FAM91A1: variants seen among roughly 807,000 people sequenced by gnomAD.
The protein encoded by FAM91A1 is family with sequence similarity 91 member A1.
Under a neutral mutation model 113.5 loss-of-function variants are expected in FAM91A1, and 41 were observed. The observed-to-expected ratio is 0.36, with a 90% CI of 0.28 to 0.47. FAM91A1 has a LOEUF of 0.47. Ranked by LOEUF, FAM91A1 falls within the 20% of genes least tolerant of loss-of-function variation. FAM91A1 has a pLI of 1.00. For synonymous variants in FAM91A1, 307 were observed against 347.9 expected, an observed-to-expected ratio of 0.88 and a Z score of 1.31; for missense variants, 696 against 1,001.2, an observed-to-expected ratio of 0.70 and a Z score of 4.11.
rs541437239 is a variant in FAM91A1, at chr8:123,805,982, A to G, written c.1883-98A>G. On this transcript the variant is annotated intron_variant, in intron 19 of 23. Transcript: ENST00000334705. ...AATCAATTATGATGTATTAAAGTATAAAAGTAGTTCTAAGAGTTGTTTAAT... is the reference window on the plus strand; with the variant it reads ...AATCAATTATGATGTATTAAAGTATGAAAGTAGTTCTAAGAGTTGTTTAAT... The G allele has an allele frequency of 5.0e-5, 60 of 1,195,072 alleles. No individual in the cohort carries two copies. In the East Asian group the frequency reaches 1.4e-3, roughly 29 times the overall value. 74.0% of individuals were successfully genotyped at this position (1,195,072 alleles called of 1,614,324 possible). A position where few individuals can be genotyped will look rare whatever the true frequency, so the allele number is the denominator to read the frequency against.
At chr8:123,805,767 T>TGG (rs574949722) in intron 19 of FAM91A1, among the ~76,000 whole-genome samples, 140 of 152,292 alleles carry the variant, frequency 9.2e-4, no homozygotes, top group Middle Eastern at 3.4e-3. Context: ...TCCTTTGCCT[T>TGG]GGGGGATTAT....
intron 15 of FAM91A1, among the ~76,000 whole-genome samples, chr8:123,795,378 C>G (rs1023224499): frequency 6.6e-6 from 1 of 151,008 alleles, no homozygotes; most frequent in African/African-American, 2.4e-5. Context: ...TAACACACCA[C>G]CCCCCGCCCC....
In FAM91A1 at chr8:123,808,967, C is replaced by A. The variant is rs141772405; in HGVS notation, c.2212C>A (p.Arg738=). ...GIPLFSSELN[R]KVCRKIAAHG... ...TCCACTGTTCAGTTCCGAATTAAACCGGAAAGTTTGTAGGAAAATTGCTGC... is the reference window on the plus strand; with the variant it reads ...TCCACTGTTCAGTTCCGAATTAAACAGGAAAGTTTGTAGGAAAATTGCTGC... Residue 738 remains arginine (R), a synonymous_variant, in exon 22 of 24, where the codon CGG becomes AGG. Transcript: ENST00000334705. 133 of 1,612,918 alleles carry A rather than the reference C, an allele frequency of 8.2e-5. No individual in the cohort carries two copies. In the African/African-American group the frequency reaches 1.5e-3, roughly 18 times the overall value.
chr8:123,784,732 A>G (rs1017022123), intron 9 of FAM91A1, 156 bp downstream of exon 9: 2 of 460,638 alleles, frequency 4.3e-6, no homozygotes, highest in African/African-American at 4.1e-5. Context: ...TAACGTTCTT[A>G]TAAATGTATA....
rs765300767 is a variant in FAM91A1, at chr8:123,778,750, A to G, written c.527A>G (p.Tyr176Cys). The G allele has an allele frequency of 1.0e-5, 16 of 1,575,684 alleles. 1 individual carries two copies. The South Asian group carries it at 1.1e-4, about 10-fold the overall frequency. Residue 176 changes from tyrosine (Y) to cysteine (C), a missense_variant, in exon 6 of 24, where the codon TAT becomes TGT. By Grantham distance (194) the Tyr-to-Cys change is radical. Coordinates refer to ENST00000334705, the MANE Select transcript of FAM91A1 (RefSeq NM_144963.4). ...IEAWWVVQAG[Y>C]ITEDDIKICT... is the part of the protein sequence containing the mutation. ...GCGTGGTGGGTGGTGCAGGCTGGCT[A>G]TATCACAGAAGATGACATCAAGGTA...
chr8:123,800,845 G>A (rs1050542158), intron 18 of FAM91A1, among the ~76,000 whole-genome samples: 3 of 151,622 alleles, frequency 2.0e-5, no homozygotes, highest in Non-Finnish European at 4.4e-5. Flanking sequence ...TGTTGTCATA[G>A]TATCAATACT....
At chr8:123,770,110 G>A (rs1446870479) in intron 1 of FAM91A1, among the ~76,000 whole-genome samples, 3 of 152,100 alleles carry the variant, frequency 2.0e-5, no homozygotes, top group Non-Finnish European at 2.9e-5. Flanking sequence ...GCGCCACCAC[G>A]CCCAGCTAAT....
intron 18 of FAM91A1, among the ~76,000 whole-genome samples, chr8:123,800,499 T>TAA (rs1815646380): frequency 6.6e-6 from 1 of 152,164 alleles, no homozygotes. Context: ...AGGGGACTAT[T>TAA]GTATTGAGTA....
At chr8:123,776,716 C>A (rs913241839) in intron 3 of FAM91A1, among the ~76,000 whole-genome samples, 2 of 152,136 alleles carry the variant, frequency 1.3e-5, no homozygotes, top group Non-Finnish European at 2.9e-5. Flanking sequence ...GGGTATAGTT[C>A]CTCGGTAGAA....
chr8:123,802,098 G>C lies in FAM91A1; in HGVS notation c.1809+2213G>C, dbSNP rs1815699454. On this transcript the variant is annotated intron_variant, in intron 18 of 23. Transcript: ENST00000334705. ...GATTGATGGTAGCAATTACAGGGGG[G>C]TAACAGGGATTAACATGGTCAAATT... is the stretch of plus-strand genomic sequence containing the variant. Among the ~76,000 whole-genome samples, 4 of 152,108 alleles carry C rather than the reference G, an allele frequency of 2.6e-5. No homozygotes were observed. In the South Asian group the frequency reaches 8.3e-4, roughly 31 times the overall value.
At chr8:123,787,556 C>T in intron 13 of FAM91A1, 108 bp from the exon 14 acceptor site, 4 of 1,075,672 alleles carry the variant, frequency 3.7e-6, no homozygotes, top group Non-Finnish European at 5.3e-6. Flanking sequence ...CCCTCACCCC[C>T]CAATCCTTAA....
At chr8:123,796,777 G>A (rs749799441) in intron 15 of FAM91A1, among the ~76,000 whole-genome samples, 46 of 150,164 alleles carry the variant, frequency 3.1e-4, no homozygotes, top group Admixed American at 2.6e-4. Flanking sequence ...TAAGATACGG[G>A]TCTTGGCTGG....
chr8:123,804,981 C>T (rs528747904), intron 18 of FAM91A1, among the ~76,000 whole-genome samples: 1 of 152,302 alleles, frequency 6.6e-6, no homozygotes, highest in East Asian at 1.9e-4. Flanking sequence ...ATAAACTTGG[C>T]CTCCTCATTC....
Position 123,813,552 on chromosome 8 carries a change from T to C in FAM91A1, c.*848T>C, listed in dbSNP as rs1816007579. ...GTTTTCAAACCAAGGATTGTGATTT[T>C]AGGTTAGAATTACATATTAGAAGCA... is the stretch of plus-strand genomic sequence containing the variant. On this transcript the variant is annotated 3_prime_UTR_variant, in exon 24 of 24. Coordinates refer to ENST00000334705, the MANE Select transcript of FAM91A1 (RefSeq NM_144963.4). 1 of 152,496 alleles carries C rather than the reference T, an allele frequency of 6.6e-6. No homozygotes were observed. Among genetic ancestry groups the C allele is most frequent in the African/African-American group, 2.4e-5 (1 of 41,482 alleles). 9.4% of individuals were successfully genotyped at this position (152,496 alleles called of 1,614,324 possible).
chr8:123,799,594 A>T lies in FAM91A1; in HGVS notation c.1635A>T (p.Gly545=). The T allele has an allele frequency of 6.2e-7, 1 of 1,614,122 alleles. No homozygotes were observed. The highest frequency in any genetic ancestry group is 8.5e-7 in the Non-Finnish European group (1 of 1,180,000). Residue 545 remains glycine, a synonymous_variant, in exon 17 of 24, where the codon GGA becomes GGT. Transcript: ENST00000334705. ...ACATTTATCATGTCACTGGACAAGG[A>T]CCACCATCCCTTTTATTGTCCAAAG... ...KLYIYHVTGQ[G]PPSLLLSKGT...
chr8:123,810,446 A>G (rs1293282276), intron 23 of FAM91A1, 95 bp downstream of exon 23: 24 of 1,068,902 alleles, frequency 2.2e-5, no homozygotes, highest in Middle Eastern at 2.0e-4. Flanking sequence ...CAGCAGCAAG[A>G]TATGAAATAA....
chr8:123,804,804 G>A (rs935678286), intron 18 of FAM91A1, among the ~76,000 whole-genome samples: 12 of 152,088 alleles, frequency 7.9e-5, no homozygotes, highest in African/African-American at 2.9e-4. Flanking sequence ...GGACATTTTG[G>A]TTGTTTCCAA....
intron 23 of FAM91A1, chr8:123,811,407 A>G (rs1032108012): frequency 2.6e-5 from 4 of 152,362 alleles, no homozygotes; most frequent in African/African-American, 7.2e-5. Context: ...TGGAAATTTT[A>G]TAAGGATGCA....
intron 20 of FAM91A1, among the ~76,000 whole-genome samples, chr8:123,807,428 G>A (rs1815837682): frequency 7.1e-6 from 1 of 140,100 alleles, no homozygotes; most frequent in Non-Finnish European, 1.5e-5. Flanking sequence ...AGTATTGCTT[G>A]AGGCTAGCAG....
Sources: allele counts gnomAD v4.1 joint callset (sites outside exome capture counted in the v4.1 genomes callset), GRCh38; gene constraint gnomAD v4.1.1; transcripts MANE v1.5; gene names NCBI Gene and HGNC (gene_info 2026-07-23, HGNC 2026-07-21).